The following CTTNBP2 variants were observed in gnomAD, a reference collection of about 807,000 sequenced individuals.
The protein encoded by CTTNBP2 is cortactin binding protein 2, also known as cortactin-binding protein 2.
In CTTNBP2, 108 loss-of-function variants were observed where a neutral mutation model predicts 156.9. That is an observed-to-expected ratio of 0.69 (90% confidence interval 0.59 to 0.81). The LOEUF (loss-of-function observed/expected upper bound fraction) is 0.81. Ranked by LOEUF, CTTNBP2 falls within the 30% of genes least tolerant of loss-of-function variation. The probability of loss-of-function intolerance (pLI) is 0.00; values close to 1 mark genes in which losing one functional copy is unlikely to be tolerated. For missense variants in CTTNBP2, 1,924 were observed against 2,035.4 expected, an observed-to-expected ratio of 0.95 and a Z score of 1.05; for synonymous variants, 767 against 751.8, an observed-to-expected ratio of 1.02 and a Z score of -0.33.
At chr7:117,756,760 G>A in intron 11 of CTTNBP2, 126 bp from the exon 12 acceptor site, 1 of 712,808 alleles carries the variant, frequency 1.4e-6, no homozygotes, top group Non-Finnish European at 2.5e-6. Flanking sequence ...GCTGACATTT[G>A]GCCAGGAGGC....
At chr7:117,848,509 C>T (rs1802741064) in intron 2 of CTTNBP2, among the ~76,000 whole-genome samples, 1 of 152,194 alleles carries the variant, frequency 6.6e-6, no homozygotes, top group Non-Finnish European at 1.5e-5. Flanking sequence ...TTTGAAGAGG[C>T]AGAGATGAAA....
intron 2 of CTTNBP2, among the ~76,000 whole-genome samples, chr7:117,845,675 G>C (rs1312560374): frequency 2.0e-5 from 3 of 152,150 alleles, no homozygotes; most frequent in Admixed American, 2.0e-4. Flanking sequence ...AAATACATTT[G>C]ACTGGGCTGT....
At chr7:117,757,495 C>T (rs1474200003) in intron 11 of CTTNBP2, among the ~76,000 whole-genome samples, 1 of 141,060 alleles carries the variant, frequency 7.1e-6, no homozygotes, top group Non-Finnish European at 1.5e-5. Context: ...CCTGTACCAT[C>T]GTGATCATCG....
At chr7:117,719,064 G>C (rs910198976) in intron 21 of CTTNBP2, among the ~76,000 whole-genome samples, 1 of 152,102 alleles carries the variant, frequency 6.6e-6, no homozygotes, top group Admixed American at 6.5e-5. Context: ...CAGGCGTTGT[G>C]GGGGACACAC....
At chr7:117,845,848 ATTT>A (rs536010752) in intron 2 of CTTNBP2, among the ~76,000 whole-genome samples, 1 of 150,542 alleles carries the variant, frequency 6.6e-6, no homozygotes, top group African/African-American at 2.4e-5. Context: ...GTTTCTGTTA[ATTT>A]TTTTTTCTTT....
intron 2 of CTTNBP2, among the ~76,000 whole-genome samples, chr7:117,859,621 A>G (rs1803577830): frequency 6.6e-6 from 1 of 152,244 alleles, no homozygotes; most frequent in Non-Finnish European, 1.5e-5. Flanking sequence ...TAAGGGTCAC[A>G]TATGTTAGTT....
intron 21 of CTTNBP2, among the ~76,000 whole-genome samples, chr7:117,718,378 A>G (rs1794581777): frequency 6.6e-6 from 1 of 152,228 alleles, no homozygotes; most frequent in African/African-American, 2.4e-5. Flanking sequence ...CTCTAGGGAA[A>G]AAAAAGGCAC....
intron 12 of CTTNBP2, among the ~76,000 whole-genome samples, chr7:117,750,819 G>C (rs923551969): frequency 2.0e-5 from 3 of 152,102 alleles, no homozygotes; most frequent in African/African-American, 7.2e-5. Context: ...TAGATACGTA[G>C]GCAGATCTTT....
At chr7:117,776,064 A>G (rs1276207977) in intron 8 of CTTNBP2, among the ~76,000 whole-genome samples, 2 of 152,204 alleles carry the variant, frequency 1.3e-5, no homozygotes, top group East Asian at 3.9e-4. Flanking sequence ...ATCTTTAGCT[A>G]TCTCCTTCTG....
Position 117,792,347 on chromosome 7 carries a change from C to G in CTTNBP2, c.849G>C (p.Arg283=). 6.2e-7 allele frequency: 1 copy of G among 1,614,196 alleles called. No individual in the cohort carries two copies. The highest frequency in any genetic ancestry group is 8.5e-7 in the Non-Finnish European group (1 of 1,180,046). Residue 283 remains arginine (R), a synonymous_variant, in exon 4 of 23, where the codon CGG becomes CGC. Transcript: ENST00000160373. This position sits in a 1 kb window ranked among gnomAD's most constrained non-coding sequence, Gnocchi z 4.2. ...AAACCAAACGCCTATCTTTTGTCTT[C>G]CGTGGAAGAGAGAGGCTTGGTTTGC... is the stretch of plus-strand genomic sequence containing the variant. ...SDSKPSLSLP[R]KTKDRRLVSI...
At chr7:117,825,905 A>G (rs1801246561) in intron 2 of CTTNBP2, among the ~76,000 whole-genome samples, 1 of 152,140 alleles carries the variant, frequency 6.6e-6, no homozygotes, top group African/African-American at 2.4e-5. Flanking sequence ...TTATATCCTT[A>G]GGATGTCTCA....
chr7:117,733,582 C>T (rs1795519733), intron 16 of CTTNBP2, among the ~76,000 whole-genome samples: 1 of 152,166 alleles, frequency 6.6e-6, no homozygotes, highest in South Asian at 2.1e-4. Context: ...CCTCACCATT[C>T]GTCCTTCTTG....
intron 22 of CTTNBP2, among the ~76,000 whole-genome samples, chr7:117,716,999 CCAAGG>C: frequency 5.6e-4 from 1 of 1,774 alleles, no homozygotes; most frequent in Non-Finnish European, 1.9e-3. Flanking sequence ...TCATCTACTC[CCAAGG>C]TGGCTTACAA....
At chr7:117,749,346 T>C (rs374283780) in intron 12 of CTTNBP2, among the ~76,000 whole-genome samples, 161 of 152,276 alleles carry the variant, frequency 1.1e-3, no homozygotes, top group African/African-American at 3.7e-3. Flanking sequence ...GGATGAAAAC[T>C]TGGTGTCTGC....
Position 117,773,694 on chromosome 7 carries a change from CACACACA to C in CTTNBP2, c.2778+3810_2778+3816del, listed in dbSNP as rs1797926777. Reference sequence around the variant, plus strand: ...ACACACACACACACACACACACACACACACACACACACACCCCAAAAAACAAAAAGCA... The same window carrying C: ...ACACACACACACACACACACACACACCACACACCCCAAAAAACAAAAAGCA... On this transcript the variant is annotated intron_variant, in intron 8 of 22. Transcript: ENST00000160373. Among the ~76,000 whole-genome samples, 13 of 141,784 alleles carry C rather than the reference CACACACA, an allele frequency of 9.2e-5. 1 individual carries two copies. Among genetic ancestry groups the C allele is most frequent in the African/African-American group, 2.5e-4 (9 of 35,728 alleles). The allele number at this position is 141,784 out of a possible 152,430, so 93.0% of individuals were successfully genotyped here. A position where few individuals can be genotyped will look rare whatever the true frequency, so the allele number is the denominator to read the frequency against.
Position 117,711,708 on chromosome 7 carries a change from T to C in CTTNBP2, c.4821A>G (p.Ser1607=). 1 of 1,614,062 alleles carries C rather than the reference T, an allele frequency of 6.2e-7. No homozygotes were observed. Among genetic ancestry groups the C allele is most frequent in the Non-Finnish European group, 8.5e-7 (1 of 1,179,960 alleles). The change falls in exon 23 of 23, where the codon TCA becomes TCG. Residue 1607 remains serine (S), a synonymous_variant. Coordinates refer to ENST00000160373, the MANE Select transcript of CTTNBP2 (RefSeq NM_033427.3). ...GAACAGGAAGAAAAGATTTAACTCT[T>C]GAAACACCCAACTCAGTCTTTGATT... is the stretch of plus-strand genomic sequence containing the variant. ...NSKSKTELGV[S]RVKSFLPVPR...
intron 14 of CTTNBP2, among the ~76,000 whole-genome samples, chr7:117,744,498 T>G (rs118030351): frequency 1.3e-5 from 2 of 152,242 alleles, no homozygotes; most frequent in African/African-American, 4.8e-5. Flanking sequence ...TCCGTGTTGT[T>G]GCAAATGACA....
chr7:117,817,587 T>G (rs2117007924), intron 2 of CTTNBP2, among the ~76,000 whole-genome samples: 1 of 151,462 alleles, frequency 6.6e-6, no homozygotes, highest in South Asian at 2.1e-4. Flanking sequence ...CAACCTTTCC[T>G]ATAGCATGTA....
intron 2 of CTTNBP2, among the ~76,000 whole-genome samples, chr7:117,850,430 A>G (rs1474717271): frequency 6.6e-6 from 1 of 152,218 alleles, no homozygotes; most frequent in Non-Finnish European, 1.5e-5. Context: ...ATTTCAAGTA[A>G]CCAAAGAATG....
Sources: allele counts gnomAD v4.1 joint callset (sites outside exome capture counted in the v4.1 genomes callset), GRCh38; gene constraint gnomAD v4.1.1; non-coding constraint Gnocchi (gnomAD v3.1); transcripts MANE v1.5; gene names NCBI Gene and HGNC (gene_info 2026-07-23, HGNC 2026-07-21).